ERAP1: variants seen among roughly 807,000 people sequenced by gnomAD.
ERAP1 encodes endoplasmic reticulum aminopeptidase 1.
In ERAP1, 86 loss-of-function variants were observed where a neutral mutation model predicts 103.7. The ratio of observed to expected loss-of-function variants is 0.83; its 90% confidence interval spans 0.70 to 0.99. The LOEUF (loss-of-function observed/expected upper bound fraction) is 0.99. ERAP1 is among the 50% of genes least tolerant of loss of function. The pLI is 0.00. For synonymous variants in ERAP1, 398 were observed against 402.4 expected (o/e 0.99, Z 0.13); for missense variants, 1,009 against 1,128.4 (o/e 0.89, Z 1.52).
At chr5:96,825,288 A>G in the ERAP1 span, among the ~76,000 whole-genome samples, 4 of 152,254 alleles carry the variant, frequency 2.6e-5, no homozygotes, top group South Asian at 6.2e-4. Context: ...ATATTTGGGT[A>G]TTTTCCAGCT....
chr5:96,846,415 C>G, the ERAP1 span, among the ~76,000 whole-genome samples: 1 of 152,168 alleles, frequency 6.6e-6, no homozygotes, highest in African/African-American at 2.4e-5. Flanking sequence ...AGCCCACATT[C>G]CATAACAATT....
intron 15 of ERAP1, 59 bp from the exon 16 acceptor site, chr5:96,781,913 T>C (rs1477880742): frequency 2.6e-6 from 4 of 1,541,592 alleles, no homozygotes; most frequent in African/African-American, 1.4e-5. Context: ...TTTAGAGGCA[T>C]AATGGTGACT....
At chr5:96,769,752 C>T (rs1170976108), downstream of ERAP1, 1 of 151,488 alleles carries the variant, frequency 6.6e-6, no homozygotes, top group East Asian at 1.9e-4. Flanking sequence ...CTGTTCCCTA[C>T]CATGGTCGCC....
chr5:96,863,444 T>A, the ERAP1 span, among the ~76,000 whole-genome samples: 1 of 152,166 alleles, frequency 6.6e-6, no homozygotes, highest in Non-Finnish European at 1.5e-5. Context: ...TCAATCACCA[T>A]CCTCACTCAC....
At chr5:96,926,109 A>G in the ERAP1 span, among the ~76,000 whole-genome samples, 5 of 151,968 alleles carry the variant, frequency 3.3e-5, no homozygotes, top group Admixed American at 3.3e-4. Flanking sequence ...ATGGGGTTTC[A>G]CCGTGTTAGC....
chr5:96,801,707 C>T (rs1778011045), intron 2 of ERAP1, among the ~76,000 whole-genome samples: 1 of 151,486 alleles, frequency 6.6e-6, no homozygotes, highest in African/African-American at 2.4e-5. Flanking sequence ...CAAAAATTAG[C>T]TGGGTGTGGT....
chr5:96,846,924 T>C, the ERAP1 span, among the ~76,000 whole-genome samples: 157 of 151,686 alleles, frequency 1.0e-3, no homozygotes, highest in East Asian at 0.021. Context: ...CATAAAAGAG[T>C]GTCCAGGAAA....
chr5:96,792,011 T>A, intron 8 of ERAP1, 50 bp downstream of exon 8: 1 of 1,602,436 alleles, frequency 6.2e-7, no homozygotes, highest in Middle Eastern at 1.7e-4. Context: ...CACCCCAGTA[T>A]GTATAACTTT....
chr5:96,920,490 T>G, the ERAP1 span, among the ~76,000 whole-genome samples: 1 of 152,132 alleles, frequency 6.6e-6, no homozygotes, highest in Non-Finnish European at 1.5e-5. Flanking sequence ...GGGTTTTTGG[T>G]CTTTTAAATT....
the ERAP1 span, chr5:96,915,657 G>T: frequency 2.2e-6 from 3 of 1,371,292 alleles, no homozygotes; most frequent in South Asian, 4.3e-5. Flanking sequence ...GTATTTCTAT[G>T]ACTTTCTATG....
chr5:96,763,776 A>G (rs1433352789), intron 19 of ERAP1, among the ~76,000 whole-genome samples: 1 of 152,218 alleles, frequency 6.6e-6, no homozygotes, highest in East Asian at 1.9e-4. Context: ...GCATTTGAAG[A>G]CATGATTTCA....
chr5:96,888,880 T>C, the ERAP1 span, among the ~76,000 whole-genome samples: 1 of 152,216 alleles, frequency 6.6e-6, no homozygotes, highest in African/African-American at 2.4e-5. Context: ...AGAGACGAAC[T>C]CAAGTGGGTT....
the ERAP1 span, among the ~76,000 whole-genome samples, chr5:96,850,946 A>G: frequency 6.6e-6 from 1 of 152,196 alleles, no homozygotes; most frequent in Non-Finnish European, 1.5e-5. Context: ...CAGGGTACAC[A>G]TTCTGTAAAA....
the ERAP1 span, among the ~76,000 whole-genome samples, chr5:96,841,217 C>A: frequency 6.6e-6 from 1 of 152,188 alleles, no homozygotes; most frequent in East Asian, 1.9e-4. Context: ...GTGCAGAAAG[C>A]CCTTGGGTGG....
Position 96,776,104 on chromosome 5 carries a change from T to C in ERAP1, c.*292A>G. On this transcript the variant is annotated 3_prime_UTR_variant, in exon 19 of 19. Coordinates refer to ENST00000443439, the MANE Select transcript of ERAP1 (RefSeq NM_001040458.3). ...GGTACAGGGTTTTGGACACGGGTGC[T>C]TAAGCATAAACTATAAAATGAGAAG... 5 of 1,340,314 alleles carry C rather than the reference T, an allele frequency of 3.7e-6. No homozygotes were observed. Among genetic ancestry groups the C allele is most frequent in the South Asian group, 2.6e-5 (2 of 76,296 alleles). The allele number at this position is 1,340,314 out of a possible 1,614,324, so 83.0% of individuals were successfully genotyped here.
At chr5:96,836,260 GGTGCAATCTGGGCTCACTGCAACCTCTAC>G in the ERAP1 span, among the ~76,000 whole-genome samples, 1 of 147,576 alleles carries the variant, frequency 6.8e-6, no homozygotes, top group South Asian at 2.1e-4. Context: ...GGAGTGCAGT[GGTGCAATCTGGGCTCACTGCAACCTCTAC>G]GTCCTGGATT....
the ERAP1 span, chr5:96,881,287 G>T: frequency 7.4e-6 from 3 of 402,978 alleles, no homozygotes; most frequent in Non-Finnish European, 1.5e-5. Flanking sequence ...GTTCAGGTAA[G>T]AAGTGATGCT....
downstream of ERAP1, chr5:96,772,634 T>C (rs926499626): frequency 2.5e-4 from 38 of 152,764 alleles, no homozygotes; most frequent in African/African-American, 9.2e-4. Context: ...ATTTGAAATT[T>C]TTAAGGTATC....
chr5:96,844,426 A>G, the ERAP1 span, among the ~76,000 whole-genome samples: 3 of 152,118 alleles, frequency 2.0e-5, no homozygotes, highest in African/African-American at 7.2e-5. Context: ...TTCCTTCCCA[A>G]TAAGTTATTA....
Sources: gnomAD v4.1 joint callset for allele counts (sites outside exome capture counted in the v4.1 genomes callset) on GRCh38, gnomAD v4.1.1 for gene constraint, MANE v1.5 for transcripts, NCBI Gene and HGNC (gene_info 2026-07-23, HGNC 2026-07-21) for gene names.